TXNDC5: variants seen among roughly 807,000 people sequenced by gnomAD.
The protein encoded by TXNDC5 is thioredoxin domain containing 5, also known as thioredoxin domain-containing protein 5.
A neutral mutation model predicts 52.6 loss-of-function variants in TXNDC5; 44 were observed. That is an observed-to-expected ratio of 0.84 (90% CI 0.66 to 1.08). The LOEUF is 1.08. TXNDC5 is among the 50% of genes least tolerant of loss of function. TXNDC5 has a pLI of 0.00. For missense variants in TXNDC5, 600 were observed against 565.5 expected (o/e 1.06, Z -0.62); for synonymous variants, 241 against 234.4 (o/e 1.03, Z -0.26).
chr6:7,893,245 C>A (rs971481857), intron 4 of TXNDC5, among the ~76,000 whole-genome samples: 3 of 152,236 alleles, frequency 2.0e-5, no homozygotes, highest in African/African-American at 7.2e-5. Context: ...GGCGTCTGAG[C>A]AGGACTCTGC....
At position 7,910,632 on chromosome 6, in the gene TXNDC5, G is replaced by GCCCGTCCGCCGCCGCCGC; in HGVS notation, c.127_144dup (p.Ala43_Gly48dup). The GCCCGTCCGCCGCCGCCGC allele has an allele frequency of 2.3e-6, 3 of 1,316,994 alleles. No homozygotes were observed. Among genetic ancestry groups the GCCCGTCCGCCGCCGCCGC allele is most frequent in the Non-Finnish European group, 3.0e-6 (3 of 1,013,916 alleles). 81.6% of individuals were successfully genotyped at this position (1,316,994 alleles called of 1,614,324 possible). On this transcript the variant is annotated inframe_insertion, in exon 1 of 10. Coordinates refer to ENST00000379757, the MANE Select transcript of TXNDC5 (RefSeq NM_030810.5). ...CCGTCCTCGCCGTCTGCCGCGGGGG[G>GCCCGTCCGCCGCCGCCGC]CCCGTCCGCCGCCGCCGCCGCCGCC... is the stretch of plus-strand genomic sequence containing the variant.
intron 5 of TXNDC5, 80 bp from the exon 6 acceptor site, chr6:7,889,661 C>T (rs60084141): frequency 0.019 from 20,365 of 1,076,770 alleles, 273 homozygotes; most frequent in African/African-American, 0.061. Context: ...ACACTTTGTA[C>T]GTTACAAATA....
chr6:7,887,378 T>C (rs993526475), intron 7 of TXNDC5, among the ~76,000 whole-genome samples: 1 of 152,120 alleles, frequency 6.6e-6, no homozygotes, highest in African/African-American at 2.4e-5. Flanking sequence ...GCCGAAAGCC[T>C]TGAAGATCAA....
Position 7,904,635 on chromosome 6 carries a change from T to G in TXNDC5, c.352A>C (p.Lys118Gln), listed in dbSNP as rs1273189169. 21 of 1,614,230 alleles carry G rather than the reference T, an allele frequency of 1.3e-5. No individual in the cohort carries two copies. In the East Asian group the frequency reaches 4.7e-4, roughly 36 times the overall value. The change falls in exon 2 of 10, where the codon AAA (lysine) becomes CAA (glutamine). Residue 118 changes from lysine (K) to glutamine (Q), a missense_variant. Transcript: ENST00000379757. ...TCGGAGTGGGCCGTGCAGTCCACTT[T>G]AGCCACATAGACTTTGGCATCTTCC... ...SMEDAKVYVA[K>Q]VDCTAHSDVC...
At chr6:7,899,752 G>A (rs1760500828) in intron 2 of TXNDC5, 71 bp from the exon 3 acceptor site, 54 of 1,226,340 alleles carry the variant, frequency 4.4e-5, no homozygotes, top group Non-Finnish European at 6.3e-5. Flanking sequence ...CTCATTTAGT[G>A]AAACAATCAG....
intron 6 of TXNDC5, 67 bp from the exon 7 acceptor site, chr6:7,888,915 T>C (rs1760097905): frequency 1.3e-6 from 2 of 1,517,622 alleles, no homozygotes; most frequent in East Asian, 2.4e-5. Context: ...TAAGCCTTCC[T>C]GCAACCCCTG....
chr6:7,899,291 G>A (rs1185165708), intron 3 of TXNDC5, among the ~76,000 whole-genome samples: 1 of 152,226 alleles, frequency 6.6e-6, no homozygotes, highest in Non-Finnish European at 1.5e-5. Context: ...AAGGCGCAGG[G>A]TGGTGGGGAA....
chr6:7,909,170 G>C (rs1402900708), intron 1 of TXNDC5, among the ~76,000 whole-genome samples: 1 of 152,196 alleles, frequency 6.6e-6, no homozygotes, highest in Non-Finnish European at 1.5e-5. Flanking sequence ...AAGGTTAAGA[G>C]AAAAACGTTT....
chr6:7,910,006 C>G, intron 1 of TXNDC5: 2 of 986,140 alleles, frequency 2.0e-6, no homozygotes, highest in Non-Finnish European at 2.4e-6. Context: ...CATTTGGACT[C>G]CCGGCTGCCC....
chr6:7,907,403 G>C (rs1200065850), intron 1 of TXNDC5, among the ~76,000 whole-genome samples: 1 of 152,128 alleles, frequency 6.6e-6, no homozygotes, highest in Non-Finnish European at 1.5e-5. Flanking sequence ...GTAGAGCAAA[G>C]CTACCTGGTC....
intron 1 of TXNDC5, among the ~76,000 whole-genome samples, chr6:7,908,472 C>A (rs1760807799): frequency 6.6e-6 from 1 of 151,446 alleles, no homozygotes; most frequent in Non-Finnish European, 1.5e-5. Context: ...CTTAAAATTC[C>A]TTTGGCACTG....
chr6:7,909,940 C>T, intron 1 of TXNDC5: 7 of 986,070 alleles, frequency 7.1e-6, no homozygotes, highest in Non-Finnish European at 8.4e-6. Context: ...CACGGGCAGG[C>T]CGCGCGTCCG....
At position 7,903,998 on chromosome 6, in the gene TXNDC5, G is replaced by A. The variant is rs548082535; in HGVS notation, c.413+576C>T. The stretch of plus-strand genomic sequence containing the variant: ...GAGGTGCAGGAGAAACAGACCCCAG[G>A]CCCCTGGAGCTGGCTCTCAGAGGTT... On this transcript the variant is annotated intron_variant, in intron 2 of 9. Coordinates refer to ENST00000379757, the MANE Select transcript of TXNDC5 (RefSeq NM_030810.5). 5.6e-4 allele frequency among the ~76,000 whole-genome samples: 85 copies of A among 152,324 alleles called. 1 individual carries two copies. The highest frequency in any genetic ancestry group is 1.8e-3 in the African/African-American group (76 of 41,578).
Position 7,888,729 on chromosome 6 carries a change from C to T in TXNDC5, c.939G>A (p.Leu313=). The part of the protein sequence containing the change: ...ETVTPSEAPV[L]AAEPEADKGT... ...CCTTGTCAGCCTCGGGCTCAGCTGC[C>T]AGCACCGGGGCCTCTGAGGGCGTGA... The change falls in exon 7 of 10, where the codon CTG becomes CTA. Residue 313 remains leucine (L), a synonymous_variant. Transcript: ENST00000379757. The T allele has an allele frequency of 6.2e-7, 1 of 1,613,108 alleles. No individual in the cohort carries two copies. Among genetic ancestry groups the T allele is most frequent in the Non-Finnish European group, 8.5e-7 (1 of 1,179,744 alleles).
At chr6:7,897,788 CT>C (rs1760423523) in intron 3 of TXNDC5, among the ~76,000 whole-genome samples, 1 of 152,184 alleles carries the variant, frequency 6.6e-6, no homozygotes, top group South Asian at 2.1e-4. Context: ...AGAAGACTGG[CT>C]TTTTTGGTGA....
At position 7,884,452 on chromosome 6, in the gene TXNDC5, C is replaced by T. The variant is rs149716354; in HGVS notation, c.1083G>A (p.Glu361=). ...GHCKTLAPTW[E]ELSKKEFPGL... is the part of the protein sequence containing the mutation. ...CAGGGAATTCCTTTTTAGAGAGTTC[C>T]TCCCAAGTAGGAGCCAGAGTCTTAC... Residue 361 remains glutamate (E), a synonymous_variant, in exon 9 of 10, where the codon GAG becomes GAA. Coordinates refer to ENST00000379757, the MANE Select transcript of TXNDC5 (RefSeq NM_030810.5). 5.0e-5 allele frequency: 81 copies of T among 1,614,132 alleles called. No homozygotes were observed. In the African/African-American group the frequency reaches 9.9e-4, roughly 20 times the overall value.
chr6:7,909,880 C>T (rs1001077576), intron 1 of TXNDC5: 45 of 986,032 alleles, frequency 4.6e-5, no homozygotes, highest in Non-Finnish European at 5.3e-5. Flanking sequence ...TCCCAGCCGA[C>T]CCCGGTGGCC....
intron 7 of TXNDC5, 48 bp downstream of exon 7, chr6:7,888,657 G>A (rs754204001): frequency 1.9e-5 from 29 of 1,555,044 alleles, no homozygotes; most frequent in Middle Eastern, 2.1e-4. Flanking sequence ...GTGGGGGGCC[G>A]GGGGCCACGG....
rs774571967 is a variant in TXNDC5 at position 7,904,735 on chromosome 6, C to G, written c.264-12G>C. On this transcript the variant is annotated splice_polypyrimidine_tract_variant and intron_variant, in intron 1 of 9. Transcript: ENST00000379757. ...GGCAGTGTCCACACCTGGAACAAGG[C>G]AAGAGTACAAGCACATTGAGTATCA... The G allele has an allele frequency of 6.2e-7, 1 of 1,614,128 alleles. No individual in the cohort carries two copies. The highest frequency in any genetic ancestry group is 8.5e-7 in the Non-Finnish European group (1 of 1,179,986).
Sources: allele counts gnomAD v4.1 joint callset (sites outside exome capture counted in the v4.1 genomes callset), GRCh38; gene constraint gnomAD v4.1.1; transcripts MANE v1.5; gene names NCBI Gene and HGNC (gene_info 2026-07-23, HGNC 2026-07-21).